Variants in SLC9D1 observed in about 807,000 individuals in gnomAD.
The protein encoded by SLC9D1 is solute carrier family 9 member D1, also known as putative LAG1-interacting protein.
chr13:113,547,559 G>A, the SLC9D1 span, among the ~76,000 whole-genome samples: 2 of 152,228 alleles, frequency 1.3e-5, no homozygotes, highest in African/African-American at 4.8e-5. Context: ...AGGCTGGGCG[G>A]TCTGGGTTTG....
chr13:113,522,053 A>G, the SLC9D1 span, among the ~76,000 whole-genome samples: 1 of 152,090 alleles, frequency 6.6e-6, no homozygotes, highest in Non-Finnish European at 1.5e-5. Context: ...TCCAACCCGT[A>G]TGCTTTTGGG....
At chr13:113,498,674 C>A in the SLC9D1 span, 1 of 594,672 alleles carries the variant, frequency 1.7e-6, no homozygotes, top group Non-Finnish European at 2.8e-6. Flanking sequence ...ATAATTTGGT[C>A]TTGTAGAAGT....
the SLC9D1 span, among the ~76,000 whole-genome samples, chr13:113,502,941 C>T: frequency 1.3e-5 from 2 of 152,168 alleles, no homozygotes; most frequent in African/African-American, 2.4e-5. Flanking sequence ...AGCGGCTGGC[C>T]GGCAGAGGAG....
At chr13:113,505,579 A>G in the SLC9D1 span, 1 of 152,256 alleles carries the variant, frequency 6.6e-6, no homozygotes, top group Non-Finnish European at 1.5e-5. Flanking sequence ...AGGAGCATGT[A>G]ACATGACCGC....
the SLC9D1 span, chr13:113,527,594 A>G: frequency 6.6e-6 from 1 of 152,132 alleles, no homozygotes; most frequent in Non-Finnish European, 1.5e-5. Flanking sequence ...GCAGCTTTCA[A>G]GGTTTTTTTC....
chr13:113,498,393 G>A, the SLC9D1 span: 3 of 1,574,152 alleles, frequency 1.9e-6, no homozygotes, highest in African/African-American at 1.4e-5. Flanking sequence ...TCAAGTTGAA[G>A]CCCTTAAAAA....
the SLC9D1 span, chr13:113,520,821 T>TCCTGAGCCA: frequency 1.0e-6 from 1 of 999,594 alleles, no homozygotes; most frequent in Non-Finnish European, 1.5e-6. Context: ...CAAAGAGATG[T>TCCTGAGCCA]TCTGAGCTCA....
chr13:113,534,065 G>A, the SLC9D1 span: 19 of 1,606,216 alleles, frequency 1.2e-5, no homozygotes, highest in South Asian at 9.1e-5. Context: ...GAAGTTCTCC[G>A]AATCCTGGTT....
chr13:113,498,267 G>A, the SLC9D1 span: 1 of 1,132,968 alleles, frequency 8.8e-7, no homozygotes, highest in Non-Finnish European at 1.2e-6. Flanking sequence ...GACAAAGCAG[G>A]AGGATTGATT....
the SLC9D1 span, chr13:113,520,692 C>A: frequency 6.2e-7 from 1 of 1,613,850 alleles, no homozygotes; most frequent in East Asian, 2.2e-5. Context: ...TCATGGCCGT[C>A]ATGCCGACTC....
the SLC9D1 span, among the ~76,000 whole-genome samples, chr13:113,502,157 G>C: frequency 5.9e-5 from 9 of 152,188 alleles, no homozygotes; most frequent in Non-Finnish European, 1.3e-4. Flanking sequence ...AGGTTATTCA[G>C]ACCACCTTTC....
At chr13:113,519,309 G>C in the SLC9D1 span, among the ~76,000 whole-genome samples, 1 of 150,440 alleles carries the variant, frequency 6.6e-6, no homozygotes, top group Non-Finnish European at 1.5e-5. Context: ...GCCTCCCAAA[G>C]TGCTGGGATT....
At chr13:113,495,404 T>C in the SLC9D1 span, 1 of 514,856 alleles carries the variant, frequency 1.9e-6, no homozygotes, top group Non-Finnish European at 3.4e-6. Flanking sequence ...TGAGAATTTC[T>C]TCAGAAAGGT....
the SLC9D1 span, among the ~76,000 whole-genome samples, chr13:113,492,001 A>C: frequency 6.6e-6 from 1 of 152,190 alleles, no homozygotes; most frequent in Non-Finnish European, 1.5e-5. Flanking sequence ...TGACTTAAAT[A>C]TTCTAAAGCT....
the SLC9D1 span, chr13:113,534,364 A>AT: frequency 1.9e-5 from 15 of 802,236 alleles, no homozygotes; most frequent in African/African-American, 2.4e-4. Context: ...ATTTACTAGT[A>AT]TTTTTTATTT....
the SLC9D1 span, among the ~76,000 whole-genome samples, chr13:113,512,666 G>A: frequency 1.4e-3 from 210 of 150,980 alleles, no homozygotes; most frequent in African/African-American, 4.8e-3. Flanking sequence ...GGGCTGGAGT[G>A]TAGATGGAGA....
the SLC9D1 span, among the ~76,000 whole-genome samples, chr13:113,518,384 G>A: frequency 1.3e-3 from 195 of 152,234 alleles, no homozygotes; most frequent in Non-Finnish European, 2.2e-3. Flanking sequence ...ATGGCCTAGC[G>A]GGCAACAGTT....
At chr13:113,534,233 T>C in the SLC9D1 span, 1 of 1,611,716 alleles carries the variant, frequency 6.2e-7, no homozygotes, top group Non-Finnish European at 8.5e-7. Flanking sequence ...ATCTTCTTAA[T>C]GTTAACGGTA....
chr13:113,520,636 G>T, the SLC9D1 span: 2 of 1,613,762 alleles, frequency 1.2e-6, no homozygotes, highest in Non-Finnish European at 1.7e-6. Context: ...CTACAGCACC[G>T]TGCTCCTCGG....
Sources: allele counts gnomAD v4.1 joint callset (sites outside exome capture counted in the v4.1 genomes callset), GRCh38; gene constraint gnomAD v4.1.1; transcripts MANE v1.5; gene names NCBI Gene and HGNC (gene_info 2026-07-23, HGNC 2026-07-21).